SEC31A: variants seen among roughly 807,000 people sequenced by gnomAD.
SEC31A encodes protein transport protein Sec31A.
In SEC31A, 70 loss-of-function variants were observed where a neutral mutation model predicts 151.0. The ratio of observed to expected loss-of-function variants is 0.46; its 90% CI spans 0.38 to 0.57. The LOEUF is 0.57. SEC31A is among the 20% of genes least tolerant of loss of function. The probability of loss-of-function intolerance (pLI) is 0.00; values close to 1 mark genes in which losing one functional copy is unlikely to be tolerated. For missense variants in SEC31A, 1,330 were observed against 1,471.2 expected, an observed-to-expected ratio of 0.90 and a Z score of 1.57; for synonymous variants, 475 against 505.9, an observed-to-expected ratio of 0.94 and a Z score of 0.82.
At chr4:82,870,449 G>C in intron 7 of SEC31A, 25 bp from the exon 8 acceptor site, 1 of 1,571,568 alleles carries the variant, frequency 6.4e-7, no homozygotes, top group Non-Finnish European at 8.7e-7. Context: ...AAGGAACAAG[G>C]AAATTTTTAA....
At chr4:82,864,639 G>A (rs1230673238) in intron 10 of SEC31A, 41 bp from the exon 11 acceptor site, 1 of 1,555,476 alleles carries the variant, frequency 6.4e-7, no homozygotes, top group Non-Finnish European at 8.8e-7. Context: ...TTAACCCAAG[G>A]ATATGGCCAA....
chr4:82,836,388 A>G (rs933321881), intron 22 of SEC31A, among the ~76,000 whole-genome samples: 15 of 151,474 alleles, frequency 9.9e-5, no homozygotes, highest in East Asian at 5.8e-4. Context: ...AAAAAAAAAA[A>G]AAAAGAAAAA....
intron 5 of SEC31A, among the ~76,000 whole-genome samples, chr4:82,874,976 A>G (rs548317116): frequency 6.6e-6 from 1 of 152,336 alleles, no homozygotes; most frequent in Non-Finnish European, 1.5e-5. Context: ...TTGTTTCATA[A>G]TATCTCATTC....
intron 1 of SEC31A, 119 bp from the exon 2 acceptor site, chr4:82,882,059 T>G: frequency 1.3e-6 from 1 of 751,370 alleles, no homozygotes; most frequent in South Asian, 1.6e-5. Flanking sequence ...AATGCCCAAC[T>G]GCAAATAAAT....
Position 82,862,580 on chromosome 4 carries a change from A to G in SEC31A, c.1510-8T>C. The G allele has an allele frequency of 6.2e-7, 1 of 1,612,280 alleles. No homozygotes were observed. On this transcript the variant is annotated splice_polypyrimidine_tract_variant and splice_region_variant and intron_variant, in intron 12 of 26. Coordinates refer to ENST00000395310, the MANE Select transcript of SEC31A (RefSeq NM_001077207.4). ...GTTCAAGGCCAAAGCAATCTGAAAT[A>G]AAAATAACAGCTCACCTACTACATG...
chr4:82,820,080 A>T (rs569615279), intron 26 of SEC31A, among the ~76,000 whole-genome samples: 39 of 151,012 alleles, frequency 2.6e-4, no homozygotes, highest in South Asian at 1.7e-3. Context: ...TCTCATTTTT[A>T]AAAAATGTTT....
chr4:82,878,707 T>C lies in SEC31A; in HGVS notation c.402+23A>G, dbSNP rs760919703. The C allele has an allele frequency of 5.0e-6, 8 of 1,586,500 alleles. 1 individual carries two copies. In the South Asian group the frequency reaches 8.9e-5, roughly 18 times the overall value. Reference sequence around the variant, plus strand: ...AAATGAGCAGCACATAGTCTAAGAATTATGAAATGTTAAAGTCTTAACCTG... The same window carrying C: ...AAATGAGCAGCACATAGTCTAAGAACTATGAAATGTTAAAGTCTTAACCTG... On this transcript the variant is annotated intron_variant, in intron 4 of 26. Coordinates refer to ENST00000395310, the MANE Select transcript of SEC31A (RefSeq NM_001077207.4).
chr4:82,863,345 T>C lies in SEC31A; in HGVS notation c.1482A>G (p.Gly494=). 6.3e-7 allele frequency: 1 copy of C among 1,581,622 alleles called. No individual in the cohort carries two copies. Among genetic ancestry groups the C allele is most frequent in the Non-Finnish European group, 8.6e-7 (1 of 1,167,520 alleles). The change falls in exon 12 of 27, where the codon GGA becomes GGG. Residue 494 remains glycine, a synonymous_variant. Transcript: ENST00000395310. The stretch of plus-strand genomic sequence containing the variant: ...TCTTTCCTAGATCTTCTTTTCTGTA[T>C]CCTAGAAGTTCAAGGTATTTTCCAC... ...DSRGKYLELL[G]YRKEDLGKKI...
chr4:82,834,014 T>C (rs1560591431), intron 22 of SEC31A, among the ~76,000 whole-genome samples: 1 of 152,190 alleles, frequency 6.6e-6, no homozygotes, highest in Non-Finnish European at 1.5e-5. Flanking sequence ...AACTTTTTCA[T>C]CTGGGGTTTA....
intron 22 of SEC31A, among the ~76,000 whole-genome samples, chr4:82,833,024 A>C (rs1726331482): frequency 6.6e-6 from 1 of 152,222 alleles, no homozygotes; most frequent in Non-Finnish European, 1.5e-5. Context: ...AGAACTAGGA[A>C]TACCATTTGA....
At chr4:82,822,983 GAAAAAC>G in intron 25 of SEC31A, among the ~76,000 whole-genome samples, 1 of 151,832 alleles carries the variant, frequency 6.6e-6, no homozygotes, top group East Asian at 1.9e-4. Flanking sequence ...CAAAAAAAAA[GAAAAAC>G]AAAGTTAACC....
chr4:82,873,052 A>G (rs1281791176), intron 6 of SEC31A, among the ~76,000 whole-genome samples: 3 of 152,156 alleles, frequency 2.0e-5, no homozygotes, highest in Admixed American at 2.0e-4. Flanking sequence ...CGAAAAACAA[A>G]AAACAGATAA....
rs560758700 is a variant in SEC31A at position 82,865,700 on chromosome 4, G to T, written c.1198-1102C>A. On this transcript the variant is annotated intron_variant, in intron 10 of 26. Transcript: ENST00000395310. ...AGCCAGCCACAAAAAGACAAGTACT[G>T]CATGATTCCATTTATATGAGTAATT... Among the ~76,000 whole-genome samples the T allele has an allele frequency of 4.6e-5, 7 of 152,072 alleles. No individual in the cohort carries two copies. In the East Asian group the frequency reaches 1.4e-3, roughly 29 times the overall value.
chr4:82,858,680 A>C (rs975835767), intron 14 of SEC31A, among the ~76,000 whole-genome samples: 1 of 150,774 alleles, frequency 6.6e-6, no homozygotes, highest in African/African-American at 2.4e-5. Context: ...AAATATGGAA[A>C]ATATATTATT....
intron 16 of SEC31A, among the ~76,000 whole-genome samples, chr4:82,856,291 C>T (rs763844248): frequency 4.6e-5 from 7 of 151,690 alleles, no homozygotes; most frequent in African/African-American, 1.5e-4. Context: ...GCTGGGATTA[C>T]AGGTGCCCAC....
intron 4 of SEC31A, among the ~76,000 whole-genome samples, chr4:82,876,868 A>G (rs1175521394): frequency 6.6e-6 from 1 of 152,238 alleles, no homozygotes; most frequent in Non-Finnish European, 1.5e-5. Context: ...CCTATAACAC[A>G]AAATACTTTA....
At chr4:82,856,479 G>A (rs954817988) in intron 16 of SEC31A, among the ~76,000 whole-genome samples, 1 of 151,666 alleles carries the variant, frequency 6.6e-6, no homozygotes, top group African/African-American at 2.4e-5. Context: ...GGCCAGGCAC[G>A]GTGGCTTATG....
In SEC31A at chr4:82,821,035, A is replaced by C. The variant is rs745771275; in HGVS notation, c.3483+2T>G. 6.2e-7 allele frequency: 1 copy of C among 1,609,422 alleles called. No individual in the cohort carries two copies. Reference sequence around the variant, plus strand: ...CATAAATCCTTTTCCTCCAAAACTTACTGTCTGTTCCCTAAGTTTATCATA... The same window carrying C: ...CATAAATCCTTTTCCTCCAAAACTTCCTGTCTGTTCCCTAAGTTTATCATA... On this transcript the variant is annotated splice_donor_variant, in intron 26 of 26. Coordinates refer to ENST00000395310, the MANE Select transcript of SEC31A (RefSeq NM_001077207.4). LOFTEE classifies it high-confidence loss of function.
At position 82,874,673 on chromosome 4, in the gene SEC31A, C is replaced by A. The variant is rs779338694; in HGVS notation, c.577G>T (p.Ala193Ser). 6.8e-6 allele frequency: 11 copies of A among 1,613,316 alleles called. No homozygotes were observed. Among genetic ancestry groups the A allele is most frequent in the South Asian group, 3.3e-5 (3 of 90,914 alleles). The change falls in exon 6 of 27, where the codon GCC becomes TCC. Residue 193 changes from alanine to serine, a missense_variant. Physicochemically the swap from Ala to Ser is moderately conservative, Grantham distance 99. Coordinates refer to ENST00000395310, the MANE Select transcript of SEC31A (RefSeq NM_001077207.4). ...TTTTTTCTAAGATCCCATACAGTGG[C>A]CCGGCCACTGGGACTGGCTGATGCT... ...ILASASPSGR[A>S]TVWDLRKNEP...
Sources: allele counts gnomAD v4.1 joint callset (sites outside exome capture counted in the v4.1 genomes callset), GRCh38; gene constraint gnomAD v4.1.1; transcripts MANE v1.5; gene names NCBI Gene and HGNC (gene_info 2026-07-23, HGNC 2026-07-21).